Variants in UTRN observed in about 807,000 individuals in gnomAD.
UTRN encodes the protein utrophin, also known as dystrophin-related protein 1.
UTRN carries 283 observed loss-of-function variants against 463.9 expected under a neutral mutation model. The observed-to-expected ratio is 0.61, with a 90% confidence interval of 0.55 to 0.67. The LOEUF (loss-of-function observed/expected upper bound fraction) is 0.67, where lower values mean the gene tolerates loss of function less well. Ranked by LOEUF, UTRN falls within the 30% of genes least tolerant of loss-of-function variation. The pLI, the probability that UTRN is intolerant of heterozygous loss-of-function variation, is 0.00. For synonymous variants in UTRN, 1,442 were observed against 1,431.5 expected, an observed-to-expected ratio of 1.01 and a Z score of -0.17; for missense variants, 3,922 against 4,084.3, an observed-to-expected ratio of 0.96 and a Z score of 1.08.
At chr6:144,594,403 G>T (rs747422868) in intron 51 of UTRN, among the ~76,000 whole-genome samples, 8 of 151,990 alleles carry the variant, frequency 5.3e-5, no homozygotes, top group Non-Finnish European at 1.2e-4. Context: ...ACTTTGCCTG[G>T]TACTATAATT....
chr6:144,795,429 T>A (rs949269462), intron 63 of UTRN, among the ~76,000 whole-genome samples: 1 of 152,234 alleles, frequency 6.6e-6, no homozygotes, highest in African/African-American at 2.4e-5. Flanking sequence ...TGGTTCTATA[T>A]CCTTGAGGAA....
At chr6:144,822,230 A>G (rs1245621165) in intron 66 of UTRN, among the ~76,000 whole-genome samples, 1 of 152,118 alleles carries the variant, frequency 6.6e-6, no homozygotes, top group East Asian at 1.9e-4. Flanking sequence ...TGTAGACCTC[A>G]AACTTTGCTA....
intron 1 of UTRN, among the ~76,000 whole-genome samples, chr6:144,287,022 C>T (rs1398315289): frequency 6.6e-6 from 1 of 152,136 alleles, no homozygotes; most frequent in African/African-American, 2.4e-5. Context: ...TGAGCCGACC[C>T]TCCCGGCCGC....
intron 52 of UTRN, among the ~76,000 whole-genome samples, chr6:144,696,403 T>G (rs773193299): frequency 1.3e-5 from 2 of 152,190 alleles, no homozygotes; most frequent in Non-Finnish European, 2.9e-5. Flanking sequence ...AATTTCAAAA[T>G]TTACTCATTT....
chr6:144,840,392 G>T (rs1246475562), intron 72 of UTRN, among the ~76,000 whole-genome samples: 1 of 151,846 alleles, frequency 6.6e-6, no homozygotes, highest in East Asian at 1.9e-4. Context: ...AATTTTTTTT[G>T]TATGAAAACA....
intron 8 of UTRN, 65 bp from the exon 9 acceptor site, chr6:144,429,516 T>G (rs1584749100): frequency 7.1e-7 from 1 of 1,418,332 alleles, no homozygotes; most frequent in East Asian, 2.3e-5. Context: ...TTATATCTAA[T>G]ATTGAGCAAT....
chr6:144,849,342 T>A (rs1586821590), intron 74 of UTRN, among the ~76,000 whole-genome samples: 1 of 152,218 alleles, frequency 6.6e-6, no homozygotes, highest in East Asian at 1.9e-4. Flanking sequence ...CCAGGTGGAA[T>A]GAGGCTGTGA....
chr6:144,552,961 A>G (rs1298334147), intron 48 of UTRN, among the ~76,000 whole-genome samples: 1 of 152,244 alleles, frequency 6.6e-6, no homozygotes, highest in Non-Finnish European at 1.5e-5. Flanking sequence ...AGACAGAATG[A>G]AACAGATTGT....
At chr6:144,850,935 C>T in intron 74 of UTRN, 54 bp from the exon 75 acceptor site, 1 of 1,609,266 alleles carries the variant, frequency 6.2e-7, no homozygotes, top group Non-Finnish European at 8.5e-7. Flanking sequence ...CAGATCTCTG[C>T]TTCCTGTAAT....
chr6:144,392,452 G>T lies in UTRN; in HGVS notation c.80-10671G>T, dbSNP rs112273411. ...CTAGAAAATATTTTGACCAATCCTT[G>T]TTCATTGAATAACACTAAAATCAAC... On this transcript the variant is annotated intron_variant, in intron 2 of 74. Coordinates refer to ENST00000367545, the MANE Select transcript of UTRN (RefSeq NM_007124.3). Among the ~76,000 whole-genome samples the T allele has an allele frequency of 9.8e-3, 1,488 of 152,194 alleles. 19 individuals carry two copies. Among genetic ancestry groups the T allele is most frequent in the African/African-American group, 0.034 (1,411 of 41,514 alleles).
At chr6:144,629,722 T>C (rs1776314230) in intron 51 of UTRN, among the ~76,000 whole-genome samples, 1 of 152,248 alleles carries the variant, frequency 6.6e-6, no homozygotes, top group South Asian at 2.1e-4. Flanking sequence ...TCATCTGAGC[T>C]GAAACTTTGC....
intron 51 of UTRN, among the ~76,000 whole-genome samples, chr6:144,629,800 A>G (rs1315583017): frequency 1.3e-5 from 2 of 152,200 alleles, no homozygotes; most frequent in African/African-American, 4.8e-5. Flanking sequence ...AATTTAATTT[A>G]TTTGTGTCAT....
intron 51 of UTRN, among the ~76,000 whole-genome samples, chr6:144,614,742 G>C (rs1214849252): frequency 6.6e-6 from 1 of 152,140 alleles, no homozygotes; most frequent in East Asian, 1.9e-4. Flanking sequence ...TTGCACAGTG[G>C]TGTTAAATAT....
In UTRN at chr6:144,416,346, T is replaced by C. The variant is rs764395070; in HGVS notation, c.142-5532T>C. Among the ~76,000 whole-genome samples the C allele has an allele frequency of 2.7e-4, 41 of 152,298 alleles. 1 individual carries two copies. Among genetic ancestry groups the C allele is most frequent in the East Asian group, 1.7e-3 (9 of 5,186 alleles). ...AAGTTCTGCCCACAGTGAACCTGAA[T>C]TCCCATATGGCCACCCTTAGCTAGA... On this transcript the variant is annotated intron_variant, in intron 3 of 74. Transcript: ENST00000367545.
chr6:144,643,125 A>C (rs899284304), intron 51 of UTRN, among the ~76,000 whole-genome samples: 2 of 152,130 alleles, frequency 1.3e-5, no homozygotes, highest in Non-Finnish European at 2.9e-5. Flanking sequence ...CTACCGGTGC[A>C]TGAGAGAAAA....
At chr6:144,553,881 A>C (rs1223134393) in intron 48 of UTRN, among the ~76,000 whole-genome samples, 1 of 148,170 alleles carries the variant, frequency 6.7e-6, no homozygotes. Flanking sequence ...GTGCCACTGC[A>C]CTCCAGCCTG....
intron 66 of UTRN, among the ~76,000 whole-genome samples, chr6:144,822,937 C>G (rs73596534): frequency 1.3e-5 from 2 of 152,088 alleles, no homozygotes; most frequent in Non-Finnish European, 1.5e-5. Flanking sequence ...AATATCTACA[C>G]GCTTTACAGG....
chr6:144,841,639 A>G (rs1781585570), intron 73 of UTRN, among the ~76,000 whole-genome samples: 1 of 152,208 alleles, frequency 6.6e-6, no homozygotes, highest in African/African-American at 2.4e-5. Flanking sequence ...ATAAATGCAT[A>G]TAAATTACTT....
chr6:144,375,678 A>G (rs1171498681), intron 2 of UTRN, among the ~76,000 whole-genome samples: 2 of 152,118 alleles, frequency 1.3e-5, no homozygotes, highest in African/African-American at 4.8e-5. Context: ...GACCTTTGAT[A>G]AAGCTGTGAC....
Sources: gnomAD v4.1 joint callset for allele counts (sites outside exome capture counted in the v4.1 genomes callset) on GRCh38, gnomAD v4.1.1 for gene constraint, MANE v1.5 for transcripts, NCBI Gene and HGNC (gene_info 2026-07-23, HGNC 2026-07-21) for gene names.